NAALADL2: variants seen among roughly 807,000 people sequenced by gnomAD.
The protein encoded by NAALADL2 is inactive N-acetylated-alpha-linked acidic dipeptidase-like protein 2.
In NAALADL2, 76 loss-of-function variants were observed where a neutral mutation model predicts 87.2. The observed-to-expected ratio is 0.87, with a 90% confidence interval of 0.72 to 1.05. NAALADL2 has a LOEUF of 1.05. Ranked by LOEUF, NAALADL2 falls within the 50% of genes least tolerant of loss-of-function variation. The probability of loss-of-function intolerance (pLI) is 0.00; values close to 1 mark genes in which losing one functional copy is unlikely to be tolerated. For synonymous variants in NAALADL2, 354 were observed against 331.0 expected (o/e 1.07, Z -0.75); for missense variants, 1,089 against 945.8 (o/e 1.15, Z -1.99).
At chr3:174,817,734 T>A in intron 3 of NAALADL2, among the ~76,000 whole-genome samples, 1 of 152,230 alleles carries the variant, frequency 6.6e-6, no homozygotes, top group East Asian at 1.9e-4. Context: ...CTCCTTAGAC[T>A]AATGCATTTA....
chr3:174,882,585 A>C (rs1411347966), intron 1 of NAALADL2, among the ~76,000 whole-genome samples: 1 of 147,428 alleles, frequency 6.8e-6, no homozygotes, highest in African/African-American at 2.6e-5. Context: ...GCTTATACAC[A>C]TATGTGTATA....
intron 1 of NAALADL2, among the ~76,000 whole-genome samples, chr3:174,482,734 G>T (rs559684547): frequency 6.3e-4 from 96 of 151,862 alleles, no homozygotes; most frequent in Non-Finnish European, 1.1e-3. Flanking sequence ...GCTCCATCTG[G>T]CCCTGGATAT....
intron 1 of NAALADL2, among the ~76,000 whole-genome samples, chr3:175,070,999 A>T (rs924463305): frequency 3.3e-4 from 50 of 152,028 alleles, no homozygotes; most frequent in Non-Finnish European, 5.7e-4. Context: ...TTCTATTAGT[A>T]GGTTGAAGAT....
At chr3:174,549,108 T>C (rs1303478316) in intron 1 of NAALADL2, among the ~76,000 whole-genome samples, 1 of 152,242 alleles carries the variant, frequency 6.6e-6, no homozygotes, top group Non-Finnish European at 1.5e-5. Flanking sequence ...GTCAAAGTGC[T>C]AGGATTACAG....
intron 10 of NAALADL2, among the ~76,000 whole-genome samples, chr3:175,620,845 A>C (rs1471147330): frequency 6.6e-6 from 1 of 152,164 alleles, no homozygotes; most frequent in Non-Finnish European, 1.5e-5. Flanking sequence ...AGGATAGCAA[A>C]TAAGGAAGAA....
chr3:175,361,664 T>A (rs1765026607), intron 5 of NAALADL2, among the ~76,000 whole-genome samples: 1 of 148,640 alleles, frequency 6.7e-6, no homozygotes, highest in South Asian at 2.2e-4. Flanking sequence ...ATAAATGTCT[T>A]CTTTTGAGAA....
chr3:174,653,102 A>G (rs895118817), intron 2 of NAALADL2, among the ~76,000 whole-genome samples: 1 of 152,206 alleles, frequency 6.6e-6, no homozygotes, highest in Non-Finnish European at 1.5e-5. Flanking sequence ...ATGGTGATGG[A>G]TATGTAAATT....
chr3:175,432,416 T>C (rs1224833987), intron 5 of NAALADL2, among the ~76,000 whole-genome samples: 3 of 152,066 alleles, frequency 2.0e-5, no homozygotes, highest in African/African-American at 7.2e-5. Flanking sequence ...AATTATCTTC[T>C]TAAAACTCCA....
At chr3:175,624,575 A>T (rs1032131976) in intron 10 of NAALADL2, among the ~76,000 whole-genome samples, 2 of 151,884 alleles carry the variant, frequency 1.3e-5, no homozygotes, top group African/African-American at 4.8e-5. Flanking sequence ...AGCTTTTCCA[A>T]CCTCCTGATC....
chr3:175,611,112 T>A (rs978938029), intron 10 of NAALADL2, among the ~76,000 whole-genome samples: 12 of 152,104 alleles, frequency 7.9e-5, no homozygotes, highest in African/African-American at 2.9e-4. Context: ...TCTACCATGC[T>A]ATCTGTATGG....
In NAALADL2 at chr3:175,467,032, C is replaced by A. The variant is rs750104814; in HGVS notation, c.1381C>A (p.Gln461Lys). 30 of 1,613,664 alleles carry A rather than the reference C, an allele frequency of 1.9e-5. No individual in the cohort carries two copies. Among genetic ancestry groups the A allele is most frequent in the Non-Finnish European group, 2.5e-5 (30 of 1,179,792 alleles). Residue 461 changes from glutamine to lysine, a missense_variant, in exon 8 of 14, where the codon CAA (glutamine) becomes AAA (lysine). Coordinates refer to ENST00000454872, the MANE Select transcript of NAALADL2 (RefSeq NM_207015.3). ...HHHTAHSYNG[Q>K]EWASSTAIIT... ...TCACACTGCACACAGTTATAATGGA[C>A]AAGAATGGGCCAGTAGTACTGCAAT...
chr3:174,826,421 A>C (rs1722004568), intron 3 of NAALADL2, among the ~76,000 whole-genome samples: 1 of 152,186 alleles, frequency 6.6e-6, no homozygotes, highest in African/African-American at 2.4e-5. Context: ...ATAGTAACAG[A>C]ACAGGGATTA....
At position 175,804,579 on chromosome 3, in the gene NAALADL2, C is replaced by T. The variant is rs1331682118; in HGVS notation, c.*1376C>T. 1.3e-5 allele frequency: 2 copies of T among 151,738 alleles called. No individual in the cohort carries two copies. Among genetic ancestry groups the T allele is most frequent in the African/African-American group, 4.8e-5 (2 of 41,368 alleles). 9.4% of individuals were successfully genotyped at this position (151,738 alleles called of 1,614,324 possible). On this transcript the variant is annotated 3_prime_UTR_variant, in exon 14 of 14. Transcript: ENST00000454872. ...CAATTCCCCTTAGGAAACATAGCCTCAGAGTATTTCATATAAATTTTCTCT... is the reference window on the plus strand; with the variant it reads ...CAATTCCCCTTAGGAAACATAGCCTTAGAGTATTTCATATAAATTTTCTCT...
intron 4 of NAALADL2, among the ~76,000 whole-genome samples, chr3:175,287,032 C>T (rs1486447703): frequency 4.6e-5 from 7 of 151,920 alleles, no homozygotes; most frequent in Admixed American, 3.3e-4. Context: ...TCCCTTGAGG[C>T]CAGCAGGCTG....
At chr3:174,838,070 T>C (rs1176412201) in intron 3 of NAALADL2, among the ~76,000 whole-genome samples, 12 of 135,022 alleles carry the variant, frequency 8.9e-5, no homozygotes, top group Non-Finnish European at 3.2e-5. Flanking sequence ...ATATCTCTGA[T>C]GAACACAGAC....
intron 9 of NAALADL2, among the ~76,000 whole-genome samples, chr3:175,530,245 A>G (rs1733921459): frequency 6.6e-6 from 1 of 152,236 alleles, no homozygotes; most frequent in African/African-American, 2.4e-5. Context: ...GTGAGCACTG[A>G]CATGGGATAC....
intron 10 of NAALADL2, among the ~76,000 whole-genome samples, chr3:175,585,959 A>G (rs2149587756): frequency 6.6e-6 from 1 of 152,282 alleles, no homozygotes; most frequent in South Asian, 2.1e-4. Flanking sequence ...AGATTTGAAA[A>G]TATTTTGGAA....
chr3:174,754,462 C>G (rs928806300), intron 3 of NAALADL2, among the ~76,000 whole-genome samples: 3 of 141,394 alleles, frequency 2.1e-5, no homozygotes, highest in African/African-American at 8.2e-5. Flanking sequence ...AATTACAGAG[C>G]TATCTTTTTT....
At chr3:174,930,285 G>A (rs932049001) in intron 1 of NAALADL2, among the ~76,000 whole-genome samples, 2 of 151,940 alleles carry the variant, frequency 1.3e-5, no homozygotes, top group Admixed American at 6.6e-5. Flanking sequence ...ATTATTCCCT[G>A]TGATTTTTTT....
Sources: allele counts gnomAD v4.1 joint callset (sites outside exome capture counted in the v4.1 genomes callset), GRCh38; gene constraint gnomAD v4.1.1; transcripts MANE v1.5; gene names NCBI Gene and HGNC (gene_info 2026-07-23, HGNC 2026-07-21).